The following ANK3 variants were observed in gnomAD, a reference collection of about 807,000 sequenced individuals.
ANK3 encodes the protein ankyrin-3.
Under a neutral mutation model 370.9 loss-of-function variants are expected in ANK3, and 57 were observed. The observed-to-expected ratio is 0.15, with a 90% CI of 0.12 to 0.19. The LOEUF is 0.19. ANK3 is among the 10% of genes least tolerant of loss of function. The probability of loss-of-function intolerance (pLI) is 1.00; values close to 1 mark genes in which losing one functional copy is unlikely to be tolerated. For synonymous variants in ANK3, 1,929 were observed against 1,946.3 expected (o/e 0.99, Z 0.23); for missense variants, 4,439 against 5,302.1 (o/e 0.84, Z 5.06).
intron 2 of ANK3, among the ~76,000 whole-genome samples, chr10:60,504,333 G>A (rs2075878233): frequency 6.6e-6 from 1 of 152,146 alleles, no homozygotes; most frequent in South Asian, 2.1e-4. Flanking sequence ...TGACAGGCAT[G>A]GTAGGTGCAG....
intron 2 of ANK3, among the ~76,000 whole-genome samples, chr10:60,447,576 A>G (rs2064483830): frequency 6.6e-6 from 1 of 152,202 alleles, no homozygotes; most frequent in African/African-American, 2.4e-5. Context: ...GCAAACAACA[A>G]GGGAATTCCA....
At position 60,256,655 on chromosome 10, in the gene ANK3, T is replaced by C. The variant is rs576397112; in HGVS notation, c.798+5204A>G. Among the ~76,000 whole-genome samples the C allele has an allele frequency of 1.6e-4, 25 of 152,320 alleles. No homozygotes were observed. The South Asian group carries it at 2.7e-3, about 16-fold the overall frequency. Reference sequence around the variant, plus strand: ...CCACAACAGTAGTCCCCAGTGTCTATTGTTGTCATCTTTATGTCCATGAGT... The same window carrying C: ...CCACAACAGTAGTCCCCAGTGTCTACTGTTGTCATCTTTATGTCCATGAGT... On this transcript the variant is annotated intron_variant, in intron 7 of 43. Transcript: ENST00000280772.
intron 1 of ANK3, among the ~76,000 whole-genome samples, chr10:60,664,866 T>C (rs2078977301): frequency 1.3e-5 from 2 of 152,216 alleles, no homozygotes; most frequent in Admixed American, 1.3e-4. Flanking sequence ...TTAAGAAGAA[T>C]GTAAGAGGAG....
intron 23 of ANK3, among the ~76,000 whole-genome samples, chr10:60,149,982 T>A (rs2095030079): frequency 6.6e-6 from 1 of 152,236 alleles, no homozygotes; most frequent in African/African-American, 2.4e-5. Context: ...GTACTGGGAT[T>A]ACAGGCGTGA....
intron 7 of ANK3, among the ~76,000 whole-genome samples, chr10:60,235,347 T>C (rs2097312102): frequency 6.6e-6 from 1 of 152,218 alleles, no homozygotes; most frequent in African/African-American, 2.4e-5. Context: ...AGCAGTCTCA[T>C]GAAAACTGTA....
At chr10:60,260,592 A>T (rs1318257693) in intron 7 of ANK3, among the ~76,000 whole-genome samples, 5 of 152,156 alleles carry the variant, frequency 3.3e-5, no homozygotes, top group Admixed American at 2.0e-4. Context: ...TTGGAGGTGC[A>T]GTCTGGTGGG....
At chr10:60,257,133 C>A (rs2097752311) in intron 7 of ANK3, among the ~76,000 whole-genome samples, 1 of 152,190 alleles carries the variant, frequency 6.6e-6, no homozygotes, top group Non-Finnish European at 1.5e-5. Context: ...TTTCCACCAA[C>A]AGGCTTAGTA....
Position 60,693,635 on chromosome 10 carries a change from G to C in ANK3, c.57+39628C>G, listed in dbSNP as rs527353985. Among the ~76,000 whole-genome samples the C allele has an allele frequency of 3.9e-5, 6 of 152,304 alleles. No individual in the cohort carries two copies. In the East Asian group the frequency reaches 1.2e-3, roughly 29 times the overall value. On this transcript the variant is annotated intron_variant, in intron 1 of 43. Coordinates refer to the ANK3 transcript ENST00000373827. ...TAACTGGGAGGCACCCCCCAGCAGG[G>C]GCAGATTGACCCCTCACACAGCCAG...
At chr10:60,484,855 A>G (rs778312180) in intron 2 of ANK3, among the ~76,000 whole-genome samples, 1 of 152,190 alleles carries the variant, frequency 6.6e-6, no homozygotes, top group Non-Finnish European at 1.5e-5. Context: ...ATCCAATGTT[A>G]CTTTCCTTTT....
chr10:60,395,001 G>A (rs2063187242), intron 2 of ANK3, among the ~76,000 whole-genome samples: 1 of 152,174 alleles, frequency 6.6e-6, no homozygotes, highest in South Asian at 2.1e-4. Flanking sequence ...GCTACTGGTA[G>A]GGAAATGTGA....
At chr10:60,168,246 G>A (rs990380618) in intron 21 of ANK3, among the ~76,000 whole-genome samples, 10 of 152,066 alleles carry the variant, frequency 6.6e-5, no homozygotes, top group African/African-American at 1.7e-4. Context: ...GGCTGGCCTC[G>A]AACTCCCAAC....
At chr10:60,481,041 C>G (rs1323420441) in intron 2 of ANK3, among the ~76,000 whole-genome samples, 2 of 152,178 alleles carry the variant, frequency 1.3e-5, no homozygotes, top group Admixed American at 6.5e-5. Context: ...ATCTTAGAAG[C>G]TAATGGCCTC....
Position 60,070,618 on chromosome 10 carries a change from T to C in ANK3, c.10263A>G (p.Gln3421=). 6.2e-7 allele frequency: 1 copy of C among 1,614,182 alleles called. No homozygotes were observed. Residue 3421 remains glutamine (Q), a synonymous_variant, in exon 37 of 44, where the codon CAA becomes CAG. Transcript: ENST00000280772. This position sits in a 1 kb window ranked among gnomAD's most constrained non-coding sequence, Gnocchi z 5.7. ...EIDSLDGYDL[Q]DEDDGLTESD... ...TCTCTGTCAAGCCATCATCTTCATC[T>C]TGCAGGTCATAGCCATCCAGAGAGT...
rs558080919 is a variant in ANK3, at chr10:60,132,475, T to C, written c.2841+1796A>G. Among the ~76,000 whole-genome samples the C allele has an allele frequency of 2.0e-5, 3 of 152,228 alleles. No homozygotes were observed. The East Asian group carries it at 5.8e-4, about 29-fold the overall frequency. On this transcript the variant is annotated intron_variant, in intron 25 of 43. Transcript: ENST00000280772. Reference sequence around the variant, plus strand: ...TTCTTGCCTGCCACCATGTAAGATGTCTCTTTCTCTTCCACAATAATTGTG... The same window carrying C: ...TTCTTGCCTGCCACCATGTAAGATGCCTCTTTCTCTTCCACAATAATTGTG...
chr10:60,540,010 G>A (rs531015029), intron 2 of ANK3, among the ~76,000 whole-genome samples: 1 of 152,038 alleles, frequency 6.6e-6, no homozygotes, highest in Non-Finnish European at 1.5e-5. Flanking sequence ...TTTTGGGTGG[G>A]TGGAAAGGCC....
At chr10:60,444,570 T>G (rs2064391697) in intron 2 of ANK3, among the ~76,000 whole-genome samples, 1 of 152,072 alleles carries the variant, frequency 6.6e-6, no homozygotes, top group South Asian at 2.1e-4. Context: ...TTTAATTTCT[T>G]TTAATTCCAG....
At chr10:60,043,349 AATTTTGTG>A (rs2076435312) in intron 42 of ANK3, 2 of 984,898 alleles carry the variant, frequency 2.0e-6, no homozygotes, top group Non-Finnish European at 2.4e-6. Flanking sequence ...AAGCCTTTTC[AATTTTGTG>A]ATTTGTACTT....
chr10:60,674,821 T>C (rs1473624587), intron 1 of ANK3, among the ~76,000 whole-genome samples: 3 of 152,226 alleles, frequency 2.0e-5, no homozygotes, highest in Non-Finnish European at 4.4e-5. Flanking sequence ...TTCTGAGTCA[T>C]CTGGATGACC....
chr10:60,680,383 A>G (rs2133390108), intron 1 of ANK3, among the ~76,000 whole-genome samples: 1 of 152,288 alleles, frequency 6.6e-6, no homozygotes, highest in African/African-American at 2.4e-5. Flanking sequence ...TGAGTTACAG[A>G]GGGAGGGGCA....
Sources: allele counts gnomAD v4.1 joint callset (sites outside exome capture counted in the v4.1 genomes callset), GRCh38; gene constraint gnomAD v4.1.1; non-coding constraint Gnocchi (gnomAD v3.1); transcripts MANE v1.5; gene names NCBI Gene and HGNC (gene_info 2026-07-23, HGNC 2026-07-21).